The following GAREM1 variants were observed in gnomAD, a reference collection of about 807,000 sequenced individuals.
GAREM1 encodes the protein GRB2-associated and regulator of MAPK protein 1.
A neutral mutation model predicts 71.3 loss-of-function variants in GAREM1; 26 were observed. The observed-to-expected ratio is 0.36, with a 90% confidence interval of 0.27 to 0.51. GAREM1 has a LOEUF of 0.51. Among genes scored for constraint, GAREM1 ranks in the 20% least tolerant of loss-of-function variants. GAREM1 has a pLI of 0.95. For synonymous variants in GAREM1, 440 were observed against 433.2 expected (o/e 1.02, Z -0.20); for missense variants, 1,026 against 1,103.1 (o/e 0.93, Z 0.99).
chr18:32,302,967 T>C (rs190778575), intron 3 of GAREM1, among the ~76,000 whole-genome samples: 3 of 152,344 alleles, frequency 2.0e-5, no homozygotes, highest in East Asian at 3.9e-4. Context: ...GATAGGCTGA[T>C]GACAAGGCTG....
At chr18:32,282,759 A>G (rs936001282) in intron 4 of GAREM1, among the ~76,000 whole-genome samples, 7 of 152,232 alleles carry the variant, frequency 4.6e-5, no homozygotes, top group African/African-American at 1.7e-4. Context: ...AGACGAGAAC[A>G]GACTGGAAGT....
chr18:32,397,226 A>G (rs1046056653), intron 1 of GAREM1, among the ~76,000 whole-genome samples: 2 of 152,264 alleles, frequency 1.3e-5, no homozygotes, highest in African/African-American at 4.8e-5. Flanking sequence ...CATCAAGGCT[A>G]GGAAGAAACT....
chr18:32,408,929 C>T (rs930425653), intron 1 of GAREM1, among the ~76,000 whole-genome samples: 2 of 152,128 alleles, frequency 1.3e-5, no homozygotes, highest in African/African-American at 4.8e-5. Flanking sequence ...AAAGTGACTT[C>T]TAATTCCTAT....
intron 1 of GAREM1, among the ~76,000 whole-genome samples, chr18:32,411,120 T>C (rs1371393238): frequency 3.3e-5 from 5 of 152,208 alleles, no homozygotes; most frequent in Admixed American, 6.5e-5. Flanking sequence ...TTTTATTTTC[T>C]TCTTCAATCA....
At chr18:32,375,043 A>G (rs2048019509) in intron 2 of GAREM1, among the ~76,000 whole-genome samples, 1 of 152,212 alleles carries the variant, frequency 6.6e-6, no homozygotes, top group Non-Finnish European at 1.5e-5. Context: ...TTCTAGTCCT[A>G]CTAAAAGTAA....
intron 4 of GAREM1, among the ~76,000 whole-genome samples, chr18:32,276,855 A>AG (rs2041549782): frequency 1.3e-5 from 2 of 152,202 alleles, no homozygotes; most frequent in Non-Finnish European, 1.5e-5. Context: ...TGAGAAGTGA[A>AG]GAAGGCTGAA....
At chr18:32,373,305 G>A (rs924842638) in intron 2 of GAREM1, among the ~76,000 whole-genome samples, 1 of 152,140 alleles carries the variant, frequency 6.6e-6, no homozygotes, top group African/African-American at 2.4e-5. Flanking sequence ...TACCTACTTA[G>A]TAAAAACTAA....
chr18:32,422,113 A>G (rs1289428187), intron 1 of GAREM1, among the ~76,000 whole-genome samples: 3 of 152,002 alleles, frequency 2.0e-5, no homozygotes, highest in South Asian at 2.1e-4. Flanking sequence ...AACATTAGGT[A>G]TATCTCCTAA....
At chr18:32,271,679 T>A (rs1012950437) in intron 4 of GAREM1, among the ~76,000 whole-genome samples, 1 of 152,100 alleles carries the variant, frequency 6.6e-6, no homozygotes, top group African/African-American at 2.4e-5. Context: ...GCTCTCTACA[T>A]CCAAAAAGTA....
chr18:32,402,791 A>T (rs1187735318), intron 1 of GAREM1, among the ~76,000 whole-genome samples: 1 of 152,174 alleles, frequency 6.6e-6, no homozygotes, highest in East Asian at 1.9e-4. Context: ...TTCATTAGGC[A>T]TCATATATTC....
At chr18:32,420,516 C>G (rs2048509407) in intron 1 of GAREM1, among the ~76,000 whole-genome samples, 1 of 152,086 alleles carries the variant, frequency 6.6e-6, no homozygotes, top group African/African-American at 2.4e-5. Context: ...TATTCCTGAC[C>G]CTGAATTGCC....
intron 1 of GAREM1, among the ~76,000 whole-genome samples, chr18:32,463,715 A>G (rs1181303092): frequency 2.0e-5 from 3 of 151,614 alleles, no homozygotes; most frequent in Admixed American, 2.0e-4. Context: ...GACTACAGGC[A>G]CATGCCACCA....
At chr18:32,394,534 G>A (rs1251163078) in intron 1 of GAREM1, among the ~76,000 whole-genome samples, 2 of 152,124 alleles carry the variant, frequency 1.3e-5, no homozygotes, top group Admixed American at 6.5e-5. Context: ...GGAAGTGGAG[G>A]TACATTAGCA....
intron 5 of GAREM1, among the ~76,000 whole-genome samples, chr18:32,269,160 G>A (rs997550279): frequency 2.6e-5 from 4 of 152,138 alleles, no homozygotes; most frequent in Non-Finnish European, 5.9e-5. Context: ...AATGAGTGGC[G>A]CATGCTTGCC....
intron 1 of GAREM1, among the ~76,000 whole-genome samples, chr18:32,442,872 C>T (rs1208513848): frequency 6.6e-6 from 1 of 152,196 alleles, no homozygotes; most frequent in Non-Finnish European, 1.5e-5. Context: ...CAGCACTACA[C>T]TGACTTGTAT....
intron 1 of GAREM1, among the ~76,000 whole-genome samples, chr18:32,435,365 G>A (rs2048665496): frequency 6.6e-6 from 1 of 152,098 alleles, no homozygotes; most frequent in Admixed American, 6.6e-5. Flanking sequence ...CTATACTACA[G>A]TTTTTAGGGG....
intron 2 of GAREM1, among the ~76,000 whole-genome samples, chr18:32,313,881 A>G (rs561515824): frequency 6.6e-6 from 1 of 152,282 alleles, no homozygotes; most frequent in African/African-American, 2.4e-5. Context: ...ATTTCAAAGA[A>G]GGCTTTAAGG....
intron 1 of GAREM1, among the ~76,000 whole-genome samples, chr18:32,402,919 CTTCT>C (rs2048329507): frequency 6.6e-6 from 1 of 151,818 alleles, no homozygotes; most frequent in Admixed American, 6.6e-5. Flanking sequence ...CTTTTCTTTC[CTTCT>C]TTTTCTTTTA....
intron 1 of GAREM1, among the ~76,000 whole-genome samples, chr18:32,439,196 G>T (rs1056861272): frequency 1.3e-5 from 2 of 152,152 alleles, no homozygotes; most frequent in African/African-American, 2.4e-5. Flanking sequence ...GGCACTGAAA[G>T]CCTGGTCAAT....
Sources: gnomAD v4.1 joint callset for allele counts (sites outside exome capture counted in the v4.1 genomes callset) on GRCh38, gnomAD v4.1.1 for gene constraint, MANE v1.5 for transcripts, NCBI Gene and HGNC (gene_info 2026-07-23, HGNC 2026-07-21) for gene names.